Variants in PRSS35 observed in about 807,000 individuals in gnomAD.
PRSS35 encodes the protein serine protease 35.
In PRSS35, 7 loss-of-function variants were observed where a neutral mutation model predicts 8.1. The observed-to-expected ratio is 0.86, with a 90% CI of 0.49 to 1.62. PRSS35 has a LOEUF of 1.62. PRSS35 is among the 40% of genes most tolerant of loss of function. The pLI is 0.00. For missense variants in PRSS35, 566 were observed against 518.0 expected, an observed-to-expected ratio of 1.09 and a Z score of -0.90; for synonymous variants, 199 against 188.7, an observed-to-expected ratio of 1.05 and a Z score of -0.45.
chr6:83,524,747 A>G lies in PRSS35; in HGVS notation c.*64A>G. 6.8e-7 allele frequency: 1 copy of G among 1,472,110 alleles called. No individual in the cohort carries two copies. The highest frequency in any genetic ancestry group is 9.1e-7 in the Non-Finnish European group (1 of 1,094,606). 91.2% of individuals were successfully genotyped at this position (1,472,110 alleles called of 1,614,324 possible). A position where few individuals can be genotyped will look rare whatever the true frequency, so the allele number is the denominator to read the frequency against. On this transcript the variant is annotated 3_prime_UTR_variant, in exon 2 of 2. Coordinates refer to ENST00000369700, the MANE Select transcript of PRSS35 (RefSeq NM_153362.3). ...AGAGAAAACCAGCTCTGCTTACCGTAGTGAGATCACTTCATAGGTTATGCC... is the reference window on the plus strand; with the variant it reads ...AGAGAAAACCAGCTCTGCTTACCGTGGTGAGATCACTTCATAGGTTATGCC...
intron 1 of PRSS35, among the ~76,000 whole-genome samples, chr6:83,519,002 T>C (rs1277693072): frequency 6.6e-6 from 1 of 152,190 alleles, no homozygotes; most frequent in Non-Finnish European, 1.5e-5. Context: ...TCCCACTCCT[T>C]GGTCTGCACT....
At position 83,523,757 on chromosome 6, in the gene PRSS35, G is replaced by A. The variant is rs771200055; in HGVS notation, c.316G>A (p.Glu106Lys). ...TRVKVQDLVL[E>K]PTQNITTKGV... ...GGTGAAAGTTCAAGATTTGGTTCTT[G>A]AGCCGACTCAAAATATCACCACAAA... The change falls in exon 2 of 2, where the codon GAG (glutamate) becomes AAG (lysine). Residue 106 changes from glutamate to lysine, a missense_variant. Transcript: ENST00000369700. 1 of 1,614,174 alleles carries A rather than the reference G, an allele frequency of 6.2e-7. No homozygotes were observed. The highest frequency in any genetic ancestry group is 8.5e-7 in the Non-Finnish European group (1 of 1,180,036).
intron 1 of PRSS35, among the ~76,000 whole-genome samples, chr6:83,513,021 A>C (rs1170479687): frequency 6.6e-6 from 1 of 152,194 alleles, no homozygotes. Flanking sequence ...CGCATTCCTG[A>C]AAAGTCTCTT....
intron 1 of PRSS35, among the ~76,000 whole-genome samples, chr6:83,521,130 G>T (rs888773609): frequency 6.6e-6 from 1 of 152,196 alleles, no homozygotes; most frequent in Non-Finnish European, 1.5e-5. Context: ...GAATCAAGTA[G>T]ATTTAAAAAT....
chr6:83,519,483 G>C (rs1027234792), intron 1 of PRSS35, among the ~76,000 whole-genome samples: 2 of 150,550 alleles, frequency 1.3e-5, no homozygotes, highest in African/African-American at 4.9e-5. Flanking sequence ...CTTCAACTGG[G>C]ACTGTGTCTT....
Position 83,524,605 on chromosome 6 carries a change from T to C in PRSS35, c.1164T>C (p.Ala388=). ...GGGTTCAGAAGGACTACAACGTTGC[T>C]GTTCGCATCACTCCCCTAAAATACG... ...VHGVQKDYNV[A]VRITPLKYAQ... is the part of the protein sequence containing the mutation. The change falls in exon 2 of 2, where the codon GCT becomes GCC. Residue 388 remains alanine (A), a synonymous_variant. Transcript: ENST00000369700. 6.2e-7 allele frequency: 1 copy of C among 1,614,174 alleles called. No individual in the cohort carries two copies. The highest frequency in any genetic ancestry group is 1.1e-5 in the South Asian group (1 of 91,078).
In PRSS35 at chr6:83,524,205, A is replaced by G; in HGVS notation, c.764A>G (p.Lys255Arg). ...GRPSFQWTRV[K>R]NTHIPKGWAR... ...CCTTCCTTTCAGTGGACCCGGGTCA[A>G]GAATACCCACATTCCGAAGGGCTGG... The change falls in exon 2 of 2, where the codon AAG (lysine) becomes AGG (arginine). Residue 255 changes from lysine to arginine, a missense_variant. Lys to Arg is a conservative substitution (Grantham distance 26). Coordinates refer to ENST00000369700, the MANE Select transcript of PRSS35 (RefSeq NM_153362.3). 1 of 1,614,140 alleles carries G rather than the reference A, an allele frequency of 6.2e-7. No individual in the cohort carries two copies. The highest frequency in any genetic ancestry group is 2.2e-5 in the East Asian group (1 of 44,878).
chr6:83,517,981 C>T (rs966662342), intron 1 of PRSS35, among the ~76,000 whole-genome samples: 1 of 152,088 alleles, frequency 6.6e-6, no homozygotes, highest in Non-Finnish European at 1.5e-5. Flanking sequence ...TAAATATGGA[C>T]AAGTACCTCA....
At chr6:83,520,814 A>G (rs1485161235) in intron 1 of PRSS35, among the ~76,000 whole-genome samples, 1 of 152,216 alleles carries the variant, frequency 6.6e-6, no homozygotes, top group Non-Finnish European at 1.5e-5. Context: ...CTACAGAATT[A>G]TGGCACAGGA....
rs748866087 is a variant in PRSS35 at position 83,524,247 on chromosome 6, G to A, written c.806G>A (p.Gly269Glu). The change falls in exon 2 of 2, where the codon GGG becomes GAG. Residue 269 changes from glycine to glutamate, a missense_variant. Transcript: ENST00000369700. Reference sequence around the variant, plus strand: ...AAGGGCTGGGCACGAGGAGGCATGGGGGACGCTACCTTGGACTATGACTAT... The same window carrying A: ...AAGGGCTGGGCACGAGGAGGCATGGAGGACGCTACCTTGGACTATGACTAT... ...IPKGWARGGM[G>E]DATLDYDYAL... The A allele has an allele frequency of 6.2e-7, 1 of 1,614,150 alleles. No homozygotes were observed. Among genetic ancestry groups the A allele is most frequent in the Non-Finnish European group, 8.5e-7 (1 of 1,180,028 alleles).
intron 1 of PRSS35, among the ~76,000 whole-genome samples, chr6:83,521,153 A>G (rs1771813825): frequency 6.6e-6 from 1 of 152,202 alleles, no homozygotes; most frequent in African/African-American, 2.4e-5. Flanking sequence ...ACATAATGAT[A>G]TATATCATTT....
At chr6:83,513,440 G>C (rs1487334839) in intron 1 of PRSS35, among the ~76,000 whole-genome samples, 1 of 152,162 alleles carries the variant, frequency 6.6e-6, no homozygotes, top group African/African-American at 2.4e-5. Context: ...TGTCTAGGGG[G>C]CTTTCACCCC....
At chr6:83,521,424 C>T (rs1309114669) in intron 1 of PRSS35, among the ~76,000 whole-genome samples, 3 of 152,128 alleles carry the variant, frequency 2.0e-5, no homozygotes. Flanking sequence ...TACTGTTTTG[C>T]AGCGGTGACT....
intron 1 of PRSS35, among the ~76,000 whole-genome samples, chr6:83,513,678 G>C (rs1042248497): frequency 2.6e-5 from 4 of 152,178 alleles, no homozygotes; most frequent in African/African-American, 9.6e-5. Context: ...AATATTAGAG[G>C]AGTTCCTTTA....
chr6:83,516,187 G>A (rs932901651), intron 1 of PRSS35, among the ~76,000 whole-genome samples: 1 of 152,186 alleles, frequency 6.6e-6, no homozygotes, highest in Non-Finnish European at 1.5e-5. Context: ...CTTTGTAAGT[G>A]TAGCAGTTTC....
Position 83,523,590 on chromosome 6 carries a change from T to C in PRSS35, c.149T>C (p.Phe50Ser), listed in dbSNP as rs1323828411. ...ACTTTCCATCTCACCAGCCCCGCAT[T>C]TGAGGCAGATGCTAAGATGATGGTA... Reference protein sequence around the residue: ...ERTFHLTSPAFEADAKMMVNT... With the variant: ...ERTFHLTSPASEADAKMMVNT... Residue 50 changes from phenylalanine to serine, a missense_variant, in exon 2 of 2, where the codon TTT (phenylalanine) becomes TCT (serine). Phe to Ser is a radical substitution (Grantham distance 155). Coordinates refer to ENST00000369700, the MANE Select transcript of PRSS35 (RefSeq NM_153362.3). 6.2e-7 allele frequency: 1 copy of C among 1,614,138 alleles called. No individual in the cohort carries two copies.
chr6:83,524,221 G>A lies in PRSS35; in HGVS notation c.780G>A (p.Pro260=), dbSNP rs1055562246. ...QWTRVKNTHI[P]KGWARGGMGD... ...CCCGGGTCAAGAATACCCACATTCCGAAGGGCTGGGCACGAGGAGGCATGG... is the reference window on the plus strand; with the variant it reads ...CCCGGGTCAAGAATACCCACATTCCAAAGGGCTGGGCACGAGGAGGCATGG... The change falls in exon 2 of 2, where the codon CCG becomes CCA. Residue 260 remains proline, a synonymous_variant. Transcript: ENST00000369700. 3 of 1,614,072 alleles carry A rather than the reference G, an allele frequency of 1.9e-6. No homozygotes were observed. Among genetic ancestry groups the A allele is most frequent in the East Asian group, 2.2e-5 (1 of 44,868 alleles).
intron 1 of PRSS35, among the ~76,000 whole-genome samples, chr6:83,515,096 C>T (rs1263640500): frequency 1.3e-5 from 2 of 152,116 alleles, no homozygotes; most frequent in African/African-American, 2.4e-5. Context: ...GCAAGTTCTT[C>T]CCTGGATGAC....
At chr6:83,520,409 G>C (rs1455304785) in intron 1 of PRSS35, among the ~76,000 whole-genome samples, 1 of 152,172 alleles carries the variant, frequency 6.6e-6, no homozygotes, top group Non-Finnish European at 1.5e-5. Flanking sequence ...CAGTAGGTCT[G>C]GGGCAGGCCC....
Sources: allele counts gnomAD v4.1 joint callset (sites outside exome capture counted in the v4.1 genomes callset), GRCh38; gene constraint gnomAD v4.1.1; transcripts MANE v1.5; gene names NCBI Gene and HGNC (gene_info 2026-07-23, HGNC 2026-07-21).